The following CREBBP variants were observed in gnomAD, a reference collection of about 807,000 sequenced individuals.
CREBBP encodes CREB binding lysine acetyltransferase.
Under a neutral mutation model 265.0 loss-of-function variants are expected in CREBBP, and 19 were observed. That is an observed-to-expected ratio of 0.07 (90% CI 0.05 to 0.11). The LOEUF is 0.11. Ranked by LOEUF, CREBBP falls within the 10% of genes least tolerant of loss-of-function variation. The pLI, the probability that CREBBP is intolerant of heterozygous loss-of-function variation, is 1.00. For synonymous variants in CREBBP, 1,457 were observed against 1,223.7 expected, an observed-to-expected ratio of 1.19 and a Z score of -3.98; for missense variants, 2,525 against 3,219.0, an observed-to-expected ratio of 0.78 and a Z score of 5.22.
At chr16:3,838,164 A>G (rs2054494026) in intron 2 of CREBBP, among the ~76,000 whole-genome samples, 1 of 152,072 alleles carries the variant, frequency 6.6e-6, no homozygotes, top group East Asian at 1.9e-4. Flanking sequence ...TTTATACAGT[A>G]TTTTCTACTA....
At chr16:3,813,223 G>A (rs1326034042) in intron 2 of CREBBP, among the ~76,000 whole-genome samples, 1 of 152,128 alleles carries the variant, frequency 6.6e-6, no homozygotes, top group East Asian at 1.9e-4. Flanking sequence ...AGTCCTCCTA[G>A]GTGACATTTC....
chr16:3,736,464 G>A, intron 27 of CREBBP, 186 bp downstream of exon 27: 1 of 901,452 alleles, frequency 1.1e-6, no homozygotes, highest in South Asian at 1.5e-5. Flanking sequence ...CTCTCAGACG[G>A]CCAGGGGAAA....
chr16:3,765,656 A>G (rs1246742776), intron 16 of CREBBP, among the ~76,000 whole-genome samples: 2 of 152,058 alleles, frequency 1.3e-5, no homozygotes, highest in Admixed American at 6.6e-5. Context: ...TATTATTAGT[A>G]TTATTTTTTG....
chr16:3,739,975 G>A (rs1012592807), intron 24 of CREBBP, among the ~76,000 whole-genome samples: 1 of 152,210 alleles, frequency 6.6e-6, no homozygotes, highest in African/African-American at 2.4e-5. Flanking sequence ...AGGAGGACTG[G>A]CTATACAGCA....
At position 3,799,851 on chromosome 16, in the gene CREBBP, A is replaced by C. The variant is rs531970508; in HGVS notation, c.976-6225T>G. On this transcript the variant is annotated intron_variant, in intron 3 of 30. Coordinates refer to ENST00000262367, the MANE Select transcript of CREBBP (RefSeq NM_004380.3). ...CAATGACTGTTATTTAAGGCAACGA[A>C]TTACTAACAACAATAAGGCAGACCT... Among the ~76,000 whole-genome samples the C allele has an allele frequency of 2.6e-5, 4 of 152,364 alleles. No individual in the cohort carries two copies. The South Asian group carries it at 8.3e-4, about 32-fold the overall frequency.
At chr16:3,735,949 C>A (rs2052046312) in intron 28 of CREBBP, 87 bp downstream of exon 28, 1 of 1,610,134 alleles carries the variant, frequency 6.2e-7, no homozygotes, top group Non-Finnish European at 8.5e-7. Flanking sequence ...ACAGGAAGGA[C>A]CTAACAGTCG....
At position 3,727,750 on chromosome 16, in the gene CREBBP, C is replaced by T. The variant is rs2151297957; in HGVS notation, c.7297G>A (p.Asp2433Asn). Residue 2433 changes from aspartate to asparagine, a missense_variant, in exon 31 of 31, where the codon GAC becomes AAC. Physicochemically the swap from Asp to Asn is conservative, Grantham distance 23. This residue lies in a region of CREBBP where 473 missense variants were observed against 459.3 expected (regional missense o/e 1.03). Transcript: ENST00000262367. ...ELSLVGDTTG[D>N]TLEKFVEGL Reference sequence around the variant, plus strand: ...CCCTCCACAAACTTCTCTAGCGTGTCCCCCGTGGTGTCCCCGACCAGGGAC... The same window carrying T: ...CCCTCCACAAACTTCTCTAGCGTGTTCCCCGTGGTGTCCCCGACCAGGGAC... 6.2e-7 allele frequency: 1 copy of T among 1,614,116 alleles called. No individual in the cohort carries two copies. The highest frequency in any genetic ancestry group is 2.2e-5 in the East Asian group (1 of 44,892).
At chr16:3,766,281 C>G (rs2052850329) in intron 16 of CREBBP, among the ~76,000 whole-genome samples, 1 of 152,162 alleles carries the variant, frequency 6.6e-6, no homozygotes, top group South Asian at 2.1e-4. Flanking sequence ...GGTATAGTAT[C>G]AAAGAATATC....
chr16:3,792,531 A>G (rs1386790851), intron 4 of CREBBP, among the ~76,000 whole-genome samples: 3 of 152,252 alleles, frequency 2.0e-5, no homozygotes, highest in Non-Finnish European at 2.9e-5. Flanking sequence ...AGATTCTGAA[A>G]GGGACTCTGG....
At position 3,728,288 on chromosome 16, in the gene CREBBP, A is replaced by ATGCTGCTGCATGCGC; in HGVS notation, c.6744_6758dup (p.Gln2248_Gln2252dup). On this transcript the variant is annotated inframe_insertion, in exon 31 of 31. Transcript: ENST00000262367. This position sits in a 1 kb window ranked among gnomAD's most constrained non-coding sequence, Gnocchi z 8.7. ...CCATGGAGCTGCCCTGGAGGGGGAG[A>ATGCTGCTGCATGCGC]TGCTGCTGCATGCGCTGCTGCTGCT... 6.2e-7 allele frequency: 1 copy of ATGCTGCTGCATGCGC among 1,611,466 alleles called. No homozygotes were observed. Among genetic ancestry groups the ATGCTGCTGCATGCGC allele is most frequent in the Non-Finnish European group, 8.5e-7 (1 of 1,179,452 alleles).
intron 3 of CREBBP, among the ~76,000 whole-genome samples, chr16:3,794,240 G>A (rs1311853012): frequency 4.1e-5 from 6 of 145,478 alleles, no homozygotes; most frequent in Non-Finnish European, 6.0e-5. Context: ...GCTGAGGCAG[G>A]AGAATGGTGT....
At chr16:3,763,090 A>C (rs947409360) in intron 16 of CREBBP, among the ~76,000 whole-genome samples, 8 of 151,968 alleles carry the variant, frequency 5.3e-5, no homozygotes, top group Non-Finnish European at 8.8e-5. Context: ...GTCACATTTT[A>C]GGTGCTCAAG....
At chr16:3,830,265 GT>G (rs1322447874) in intron 2 of CREBBP, among the ~76,000 whole-genome samples, 2 of 152,142 alleles carry the variant, frequency 1.3e-5, no homozygotes, top group African/African-American at 4.8e-5. Context: ...AGACGTGGTA[GT>G]GTGTGCCTGT....
intron 1 of CREBBP, among the ~76,000 whole-genome samples, chr16:3,865,388 T>TAA (rs2055157191): frequency 6.6e-6 from 1 of 152,150 alleles, no homozygotes; most frequent in Non-Finnish European, 1.5e-5. Context: ...TAGACAACTG[T>TAA]AAGAAGACAA....
At chr16:3,855,295 G>T (rs1206727320) in intron 1 of CREBBP, among the ~76,000 whole-genome samples, 4 of 152,144 alleles carry the variant, frequency 2.6e-5, no homozygotes, top group Admixed American at 6.5e-5. Flanking sequence ...ACAGAGTCTT[G>T]CTCTGTTGCC....
chr16:3,805,858 T>C (rs2053818589), intron 3 of CREBBP, among the ~76,000 whole-genome samples: 2 of 151,796 alleles, frequency 1.3e-5, no homozygotes, highest in Admixed American at 6.6e-5. Context: ...AAACCACGAG[T>C]TCCAGCAGAA....
chr16:3,777,334 C>CA (rs1018326483), intron 11 of CREBBP, among the ~76,000 whole-genome samples: 189 of 150,888 alleles, frequency 1.3e-3, no homozygotes, highest in Non-Finnish European at 2.3e-3. Context: ...GACTCCATCT[C>CA]AAAAAAATAA....
intron 26 of CREBBP, 84 bp from the exon 27 acceptor site, chr16:3,736,899 A>T: frequency 6.5e-7 from 1 of 1,535,244 alleles, no homozygotes; most frequent in Non-Finnish European, 9.0e-7. Context: ...AGGAGCAAGG[A>T]CTAAAGCCAG....
chr16:3,866,018 T>G (rs1309374113), intron 1 of CREBBP, among the ~76,000 whole-genome samples: 1 of 152,200 alleles, frequency 6.6e-6, no homozygotes, highest in Non-Finnish European at 1.5e-5. Flanking sequence ...TGGTAACACC[T>G]GGAATGGTTC....
Sources: gnomAD v4.1 joint callset for allele counts (sites outside exome capture counted in the v4.1 genomes callset) on GRCh38, gnomAD v4.1.1 for gene constraint, gnomAD v4.1.1 regional missense constraint, Gnocchi (gnomAD v3.1) non-coding constraint, MANE v1.5 for transcripts, NCBI Gene and HGNC (gene_info 2026-07-23, HGNC 2026-07-21) for gene names.